The following ZKSCAN7 variants were observed in gnomAD, a reference collection of about 807,000 sequenced individuals.
ZKSCAN7 encodes zinc finger with KRAB and SCAN domains 7.
Under a neutral mutation model 65.3 loss-of-function variants are expected in ZKSCAN7, and 38 were observed. The observed-to-expected ratio is 0.58, with a 90% CI of 0.45 to 0.76. ZKSCAN7 has a LOEUF of 0.76. ZKSCAN7 is among the 30% of genes least tolerant of loss of function. The pLI, the probability that ZKSCAN7 is intolerant of heterozygous loss-of-function variation, is 0.00. For missense variants in ZKSCAN7, 815 were observed against 913.3 expected, an observed-to-expected ratio of 0.89 and a Z score of 1.39; for synonymous variants, 321 against 321.0, an observed-to-expected ratio of 1.00 and a Z score of 0.00.
At chr3:44,564,595 G>T (rs1246860341) in intron 2 of ZKSCAN7, among the ~76,000 whole-genome samples, 1 of 152,182 alleles carries the variant, frequency 6.6e-6, no homozygotes, top group Non-Finnish European at 1.5e-5. Flanking sequence ...TGCTTTGTCA[G>T]TGTGCTCAGA....
At chr3:44,581,059 G>T in intron 5 of ZKSCAN7, 1 of 1,413,618 alleles carries the variant, frequency 7.1e-7, no homozygotes, top group Non-Finnish European at 9.4e-7. Flanking sequence ...GCGCAGGCCC[G>T]GCCGGCCTGG....
intron 3 of ZKSCAN7, among the ~76,000 whole-genome samples, chr3:44,567,211 CAAAAG>C (rs1315444421): frequency 6.9e-6 from 1 of 145,036 alleles, no homozygotes. Context: ...AGGGAGGGAG[CAAAAG>C]AAAAGAAAGG....
At chr3:44,579,297 C>A (rs1402095982) in intron 5 of ZKSCAN7, among the ~76,000 whole-genome samples, 1 of 152,216 alleles carries the variant, frequency 6.6e-6, no homozygotes, top group Non-Finnish European at 1.5e-5. Context: ...CGCTCCAGCT[C>A]CCCAGGCTCC....
In ZKSCAN7 at chr3:44,571,932, C is replaced by T; in HGVS notation, c.*557C>T. On this transcript the variant is annotated 3_prime_UTR_variant, in exon 6 of 6. Transcript: ENST00000426540. ...CTCATCACTGAAATACTTTCTTCTT[C>T]AAGTACTTTTTTATTTTTCTTCAAC... 2 of 986,436 alleles carry T rather than the reference C, an allele frequency of 2.0e-6. No individual in the cohort carries two copies. Among genetic ancestry groups the T allele is most frequent in the Non-Finnish European group, 2.4e-6 (2 of 830,594 alleles). The allele number at this position is 986,436 out of a possible 1,614,324, so 61.1% of individuals were successfully genotyped here.
chr3:44,558,538 A>AT (rs1699366461), intron 2 of ZKSCAN7, among the ~76,000 whole-genome samples: 1 of 151,130 alleles, frequency 6.6e-6, no homozygotes, highest in East Asian at 1.9e-4. Context: ...AAAAAAAAAA[A>AT]AGAAAAGAAA....
chr3:44,575,597 G>A (rs537036107), downstream of ZKSCAN7, among the ~76,000 whole-genome samples: 4 of 152,186 alleles, frequency 2.6e-5, no homozygotes, highest in African/African-American at 9.7e-5. Flanking sequence ...TTTATTTAGA[G>A]ACAGAGTTTC....
chr3:44,575,292 C>T (rs1428162010), downstream of ZKSCAN7, among the ~76,000 whole-genome samples: 1 of 152,170 alleles, frequency 6.6e-6, no homozygotes, highest in Non-Finnish European at 1.5e-5. Flanking sequence ...GAGACCCTGT[C>T]TTAAAAAATA....
chr3:44,562,459 A>AT (rs1156847288), intron 2 of ZKSCAN7, among the ~76,000 whole-genome samples: 1 of 152,232 alleles, frequency 6.6e-6, no homozygotes, highest in Non-Finnish European at 1.5e-5. Flanking sequence ...GGCTATTAAA[A>AT]TTTGGCTCCT....
In ZKSCAN7 at chr3:44,571,040, TTCAA is replaced by T; in HGVS notation, c.1935_1938del (p.Asn645LysfsTer122). 1 of 1,614,208 alleles carries T rather than the reference TTCAA, an allele frequency of 6.2e-7. No homozygotes were observed. Among genetic ancestry groups the T allele is most frequent in the South Asian group, 1.1e-5 (1 of 91,088 alleles). Reference sequence around the variant, plus strand: ...TAAATGCAATGAGTGTGGAAAATCCTTCAATCAAAACTCACACCTTATTATACAC... The same window carrying T: ...TAAATGCAATGAGTGTGGAAAATCCTTCAAAACTCACACCTTATTATACAC... On this transcript the variant is annotated frameshift_variant, in exon 6 of 6. Coordinates refer to ENST00000426540, the MANE Select transcript of ZKSCAN7 (RefSeq NM_001288590.2). LOFTEE classifies it high-confidence loss of function.
At chr3:44,569,043 T>C (rs2125721838) in intron 5 of ZKSCAN7, among the ~76,000 whole-genome samples, 1 of 152,382 alleles carries the variant, frequency 6.6e-6, no homozygotes, top group African/African-American at 2.4e-5. Context: ...TACTCGTAAG[T>C]GCCTTAATTT....
chr3:44,578,123 T>C (rs942097359), intron 5 of ZKSCAN7: 10 of 1,543,980 alleles, frequency 6.5e-6, no homozygotes, highest in Non-Finnish European at 8.1e-6. Context: ...CCCCCAGTGC[T>C]TCCGTTGCAG....
In ZKSCAN7 at chr3:44,563,348, T is replaced by G. The variant is rs115115223; in HGVS notation, c.424-2139T>G. Among the ~76,000 whole-genome samples the G allele has an allele frequency of 9.6e-3, 1,458 of 152,346 alleles. 12 individuals are homozygous for G. Among genetic ancestry groups the G allele is most frequent in the Non-Finnish European group, 0.013 (885 of 68,030 alleles). The stretch of plus-strand genomic sequence containing the variant: ...GTATCTTTATAGCAGTGCCCCACTT[T>G]CCTGGTACCAATTTTCTATGTTAGT... On this transcript the variant is annotated intron_variant, in intron 2 of 5. Coordinates refer to ENST00000426540, the MANE Select transcript of ZKSCAN7 (RefSeq NM_001288590.2).
At position 44,561,211 on chromosome 3, in the gene ZKSCAN7, T is replaced by C. The variant is rs144917690; in HGVS notation, c.423+3741T>C. ...CATGACTGGGAGGTCTCAGGAAACC[T>C]ACAATCATGGCAGAAGGCAAAGAGG... On this transcript the variant is annotated intron_variant, in intron 2 of 5. Transcript: ENST00000426540. 9.2e-5 allele frequency among the ~76,000 whole-genome samples: 14 copies of C among 152,302 alleles called. No individual in the cohort carries two copies. The East Asian group carries it at 2.7e-3, about 29-fold the overall frequency.
At chr3:44,573,832 C>T (rs1699873090), downstream of ZKSCAN7, among the ~76,000 whole-genome samples, 1 of 152,076 alleles carries the variant, frequency 6.6e-6, no homozygotes, top group East Asian at 1.9e-4. Context: ...GAAACCTGCA[C>T]TATTCATAAC....
Position 44,570,314 on chromosome 3 carries a change from C to T in ZKSCAN7, c.1204C>T (p.Gln402Ter). 2 of 1,614,170 alleles carry T rather than the reference C, an allele frequency of 1.2e-6. No homozygotes were observed. Among genetic ancestry groups the T allele is most frequent in the Non-Finnish European group, 1.7e-6 (2 of 1,180,026 alleles). ...FNRSSHLIGHQRIHTGEKPYE... is the reference protein window; with the variant it reads ...FNRSSHLIGH ...TCGGAGTTCTCACCTTATTGGCCAT[C>T]AGAGAATCCACACTGGAGAGAAACC... The change falls in exon 6 of 6, where the codon CAG (glutamine) becomes TAG (stop). Residue 402 changes from glutamine (Q) to a stop codon, truncating the protein, a stop_gained. Transcript: ENST00000426540. LOFTEE classifies it high-confidence loss of function.
At position 44,570,979 on chromosome 3, in the gene ZKSCAN7, T is replaced by A. The variant is rs754217707; in HGVS notation, c.1869T>A (p.Ile623=). 1.2e-6 allele frequency: 2 copies of A among 1,614,214 alleles called. No homozygotes were observed. The highest frequency in any genetic ancestry group is 4.5e-5 in the East Asian group (2 of 44,882). ...GKAFGLSKCL[I]RHQRLHTGEK... ...CATTTGGTCTGAGTAAATGTCTTAT[T>A]CGGCACCAGAGACTTCACACGGGTG... is the stretch of plus-strand genomic sequence containing the variant. The change falls in exon 6 of 6, where the codon ATT becomes ATA. Residue 623 remains isoleucine (I), a synonymous_variant. Transcript: ENST00000426540.
Position 44,570,126 on chromosome 3 carries a change from T to C in ZKSCAN7, c.1016T>C (p.Leu339Ser). The C allele has an allele frequency of 2.5e-6, 4 of 1,613,854 alleles. No homozygotes were observed. Among genetic ancestry groups the C allele is most frequent in the Non-Finnish European group, 3.4e-6 (4 of 1,179,952 alleles). ...GGGAGCAGACTAGAAAATGATTTCTTGGAAATAACAGATGAAGATAAGAAA... is the reference window on the plus strand; with the variant it reads ...GGGAGCAGACTAGAAAATGATTTCTCGGAAATAACAGATGAAGATAAGAAA... ...EEGSRLENDF[L>S]EITDEDKKKS... Residue 339 changes from leucine to serine, a missense_variant, in exon 6 of 6, where the codon TTG becomes TCG. Leu to Ser is a moderately radical substitution (Grantham distance 145). This residue lies in a region of ZKSCAN7 where 578 missense variants were observed against 629.5 expected (regional missense o/e 0.92). Transcript: ENST00000426540.
Position 44,557,386 on chromosome 3 carries a change from G to A in ZKSCAN7, c.339G>A (p.Trp113Ter). Residue 113 changes from tryptophan to a stop codon, truncating the protein, a stop_gained, in exon 2 of 6, where the codon TGG (tryptophan) becomes TGA (stop). Transcript: ENST00000426540. LOFTEE classifies it high-confidence loss of function. The part of the protein sequence containing the change: ...LSILPGELRT[W>*]VQLHHPESGE... ...TCCTCCCTGGGGAGCTCCGGACCTG[G>A]GTGCAGCTGCATCACCCTGAGAGTG... 6.2e-7 allele frequency: 1 copy of A among 1,614,232 alleles called. No individual in the cohort carries two copies. Among genetic ancestry groups the A allele is most frequent in the Non-Finnish European group, 8.5e-7 (1 of 1,180,036 alleles).
At chr3:44,558,987 G>A (rs1699383446) in intron 2 of ZKSCAN7, among the ~76,000 whole-genome samples, 1 of 151,718 alleles carries the variant, frequency 6.6e-6, no homozygotes, top group Non-Finnish European at 1.5e-5. Context: ...TGTTGCCCAG[G>A]CTTGTTCTTG....
Sources: allele counts gnomAD v4.1 joint callset (sites outside exome capture counted in the v4.1 genomes callset), GRCh38; gene constraint gnomAD v4.1.1; regional missense constraint gnomAD v4.1.1; transcripts MANE v1.5; gene names NCBI Gene and HGNC (gene_info 2026-07-23, HGNC 2026-07-21).